The following ANKS3 variants were observed in gnomAD, a reference collection of about 807,000 sequenced individuals.
ANKS3 encodes the protein ankyrin repeat and SAM domain-containing protein 3.
Under a neutral mutation model 80.7 loss-of-function variants are expected in ANKS3, and 62 were observed. The observed-to-expected ratio is 0.77, with a 90% CI of 0.63 to 0.95. The LOEUF (loss-of-function observed/expected upper bound fraction) is 0.95. Among genes scored for constraint, ANKS3 ranks in the 40% least tolerant of loss-of-function variants. The pLI, the probability that ANKS3 is intolerant of heterozygous loss-of-function variation, is 0.00. For synonymous variants in ANKS3, 489 were observed against 355.3 expected (o/e 1.38, Z -4.23); for missense variants, 1,150 against 883.6 (o/e 1.30, Z -3.82).
rs548514737 is a variant in ANKS3, at chr16:4,720,377, G to T, written c.573+4373C>A. Among the ~76,000 whole-genome samples the T allele has an allele frequency of 4.9e-4, 73 of 150,502 alleles. 1 individual carries two copies. The highest frequency in any genetic ancestry group is 1.7e-3 in the African/African-American group (71 of 41,264). On this transcript the variant is annotated intron_variant, in intron 6 of 17. Transcript: ENST00000304283. ...CTCGGGAGGCTGAGGCAGGAAAATCGCTTGAACCTGGGAGGCAGAGGTTGC... is the reference window on the plus strand; with the variant it reads ...CTCGGGAGGCTGAGGCAGGAAAATCTCTTGAACCTGGGAGGCAGAGGTTGC...
chr16:4,697,142 T>C (rs755673385), intron 16 of ANKS3, 38 bp from the exon 17 acceptor site: 1 of 1,604,130 alleles, frequency 6.2e-7, no homozygotes, highest in East Asian at 2.3e-5. Context: ...CCGGCCAGGC[T>C]CAGGAGGGCT....
chr16:4,723,584 A>G (rs1342680932), intron 6 of ANKS3, among the ~76,000 whole-genome samples: 2 of 152,216 alleles, frequency 1.3e-5, no homozygotes, highest in African/African-American at 4.8e-5. Flanking sequence ...CACCGCACCC[A>G]GCCCAGCCTA....
chr16:4,714,673 A>G (rs1194482548), intron 6 of ANKS3, among the ~76,000 whole-genome samples: 3 of 152,218 alleles, frequency 2.0e-5, no homozygotes, highest in African/African-American at 7.2e-5. Context: ...ATAACCCTAA[A>G]TACAGAAAAG....
intron 7 of ANKS3, among the ~76,000 whole-genome samples, chr16:4,707,449 T>C (rs951169695): frequency 1.3e-5 from 2 of 152,042 alleles, no homozygotes; most frequent in South Asian, 2.1e-4. Flanking sequence ...GCCTGGCTAA[T>C]TTGTGTATTT....
At chr16:4,697,943 T>G in intron 15 of ANKS3, 34 bp downstream of exon 15, 1 of 1,511,402 alleles carries the variant, frequency 6.6e-7, no homozygotes, top group African/African-American at 1.4e-5. Flanking sequence ...CACCTTCCCC[T>G]CTGCCCAGTG....
intron 3 of ANKS3, chr16:4,728,192 C>G (rs1009516756): frequency 6.6e-6 from 1 of 152,262 alleles, no homozygotes; most frequent in African/African-American, 2.4e-5. Flanking sequence ...ACTACAGGCG[C>G]CCGCCACTAC....
rs557930179 is a variant in ANKS3, at chr16:4,698,663, C to T, written c.1552-64G>A. ...GCCGGTCAAGCCAGACCCTTGGCCACGGCCCTGTCCTGTGTGTGGGGCCCT... is the reference window on the plus strand; with the variant it reads ...GCCGGTCAAGCCAGACCCTTGGCCATGGCCCTGTCCTGTGTGTGGGGCCCT... On this transcript the variant is annotated intron_variant, in intron 13 of 17. Transcript: ENST00000304283. 6,912 of 1,521,196 alleles carry T rather than the reference C, an allele frequency of 4.5e-3. 28 individuals are homozygous for T. Among genetic ancestry groups the T allele is most frequent in the Non-Finnish European group, 5.6e-3 (6,379 of 1,139,274 alleles). 94.2% of individuals were successfully genotyped at this position (1,521,196 alleles called of 1,614,324 possible). A position where few individuals can be genotyped will look rare whatever the true frequency, so the allele number is the denominator to read the frequency against.
Position 4,701,083 on chromosome 16 carries a change from T to C in ANKS3, c.1171A>G (p.Met391Val), listed in dbSNP as rs2079873870. Residue 391 changes from methionine (M) to valine (V), a missense_variant, in exon 11 of 18, where the codon ATG becomes GTG. Physicochemically the swap from Met to Val is conservative, Grantham distance 21. Transcript: ENST00000304283. ...TGGCTGTCAGGATTCTTGGTCTTCATGTAACTTTTAGCTTGTTTGCGAGCT... is the reference window on the plus strand; with the variant it reads ...TGGCTGTCAGGATTCTTGGTCTTCACGTAACTTTTAGCTTGTTTGCGAGCT... ...SSARKQAKSY[M>V]KTKNPDSQWP... The C allele has an allele frequency of 3.1e-6, 5 of 1,613,976 alleles. No homozygotes were observed. The highest frequency in any genetic ancestry group is 4.2e-6 in the Non-Finnish European group (5 of 1,180,042).
At chr16:4,704,970 C>G (rs1027941618) in intron 8 of ANKS3, 125 bp downstream of exon 8, 14 of 1,297,854 alleles carry the variant, frequency 1.1e-5, no homozygotes, top group East Asian at 4.6e-5. Flanking sequence ...GCTGGGCCAC[C>G]TGTCCCGCTG....
At chr16:4,699,497 C>T (rs763105033) in intron 11 of ANKS3, 24 of 339,496 alleles carry the variant, frequency 7.1e-5, no homozygotes, top group African/African-American at 2.9e-4. Context: ...AGGCGGAGAG[C>T]GCTGCCCTCT....
At chr16:4,715,086 A>G (rs1008024735) in intron 6 of ANKS3, among the ~76,000 whole-genome samples, 1 of 151,832 alleles carries the variant, frequency 6.6e-6, no homozygotes, top group African/African-American at 2.4e-5. Flanking sequence ...CAGGGGGATA[A>G]GCAGTCAGTT....
chr16:4,701,889 G>A, intron 9 of ANKS3: 1 of 569,114 alleles, frequency 1.8e-6, no homozygotes, highest in Non-Finnish European at 2.9e-6. Flanking sequence ...TAAACCTGTT[G>A]CTGTGGAACG....
intron 8 of ANKS3, among the ~76,000 whole-genome samples, chr16:4,703,791 T>C (rs1446872741): frequency 1.3e-5 from 2 of 152,012 alleles, no homozygotes; most frequent in African/African-American, 4.8e-5. Flanking sequence ...AAAACAAAAA[T>C]CCCCTGAAAT....
At position 4,697,420 on chromosome 16, in the gene ANKS3, T is replaced by TGGTGCA. The variant is rs1409129662; in HGVS notation, c.1811-10_1811-5dup. On this transcript the variant is annotated splice_polypyrimidine_tract_variant and splice_region_variant and intron_variant, in intron 15 of 17. Coordinates refer to ENST00000304283, the MANE Select transcript of ANKS3 (RefSeq NM_133450.4). ...GACGCTTGCCAGCCCTTGGAGTCTG[T>TGGTGCA]GGTGCAGGTGCAGGGACCGAGTTAG... is the stretch of plus-strand genomic sequence containing the variant. 2 of 1,597,292 alleles carry TGGTGCA rather than the reference T, an allele frequency of 1.3e-6. No individual in the cohort carries two copies. Among genetic ancestry groups the TGGTGCA allele is most frequent in the African/African-American group, 1.3e-5 (1 of 74,376 alleles).
chr16:4,720,320 G>T (rs927022446), intron 6 of ANKS3, among the ~76,000 whole-genome samples: 3 of 150,806 alleles, frequency 2.0e-5, no homozygotes, highest in African/African-American at 7.3e-5. Context: ...AAATTAGCTG[G>T]GCATGGTGGC....
At chr16:4,696,971 G>A in intron 17 of ANKS3, 46 bp downstream of exon 17, 3 of 1,585,408 alleles carry the variant, frequency 1.9e-6, no homozygotes, top group Non-Finnish European at 1.7e-6. Flanking sequence ...GCCCAGACAG[G>A]CCCTGCTGCT....
chr16:4,701,625 C>T, intron 9 of ANKS3, 82 bp from the exon 10 acceptor site: 1 of 1,219,400 alleles, frequency 8.2e-7, no homozygotes, highest in Admixed American at 2.5e-5. Flanking sequence ...GAGCCGCCTC[C>T]ACCAGGGCAC....
intron 6 of ANKS3, among the ~76,000 whole-genome samples, chr16:4,722,866 C>T (rs1264053924): frequency 2.0e-5 from 3 of 149,930 alleles, no homozygotes; most frequent in South Asian, 2.1e-4. Context: ...TGCAGTGAGC[C>T]GAGATCACGC....
At chr16:4,730,483 G>C (rs1232132193) in intron 2 of ANKS3, among the ~76,000 whole-genome samples, 14 of 152,176 alleles carry the variant, frequency 9.2e-5, no homozygotes, top group Non-Finnish European at 1.8e-4. Flanking sequence ...CAACCTCTTG[G>C]ATGGGCAGTG....
Sources: gnomAD v4.1 joint callset for allele counts (sites outside exome capture counted in the v4.1 genomes callset) on GRCh38, gnomAD v4.1.1 for gene constraint, MANE v1.5 for transcripts, NCBI Gene and HGNC (gene_info 2026-07-23, HGNC 2026-07-21) for gene names.